The following KCNK5 variants were observed in gnomAD, a reference collection of about 807,000 sequenced individuals.
KCNK5 encodes the protein potassium channel subfamily K member 5.
In KCNK5, 18 loss-of-function variants were observed where a neutral mutation model predicts 32.9. That is an observed-to-expected ratio of 0.55 (90% CI 0.38 to 0.81). KCNK5 has a LOEUF of 0.81. Among genes scored for constraint, KCNK5 ranks in the 30% least tolerant of loss-of-function variants. The pLI is 0.00. For synonymous variants in KCNK5, 276 were observed against 275.3 expected (o/e 1.00, Z -0.03); for missense variants, 507 against 651.0 (o/e 0.78, Z 2.41).
chr6:39,221,223 C>G (rs559355065), intron 1 of KCNK5, among the ~76,000 whole-genome samples: 13 of 152,322 alleles, frequency 8.5e-5, no homozygotes, highest in African/African-American at 2.9e-4. Flanking sequence ...TGCCATGATT[C>G]AGTGAGATGA....
At chr6:39,228,697 C>T (rs1771715176) in intron 1 of KCNK5, among the ~76,000 whole-genome samples, 2 of 152,022 alleles carry the variant, frequency 1.3e-5, no homozygotes, top group Admixed American at 1.3e-4. Context: ...AATTTGTCTC[C>T]GGCCAAACTA....
chr6:39,217,221 G>A (rs114719744), intron 1 of KCNK5, among the ~76,000 whole-genome samples: 2,481 of 151,858 alleles, frequency 0.016, 66 homozygotes, highest in African/African-American at 0.057. Context: ...CTGGCCCCTG[G>A]AGTTTCCTGT....
intron 1 of KCNK5, among the ~76,000 whole-genome samples, chr6:39,218,956 G>A (rs913882513): frequency 2.6e-5 from 4 of 152,192 alleles, no homozygotes; most frequent in African/African-American, 9.7e-5. Context: ...AGAGAGGCAG[G>A]GACCAGGGCT....
intron 1 of KCNK5, among the ~76,000 whole-genome samples, chr6:39,216,424 G>A (rs1387081080): frequency 6.6e-6 from 1 of 152,220 alleles, no homozygotes; most frequent in South Asian, 2.1e-4. Flanking sequence ...ACACGCGCAC[G>A]GGGCACTTCT....
chr6:39,217,638 T>C (rs1167667486), intron 1 of KCNK5, among the ~76,000 whole-genome samples: 1 of 152,134 alleles, frequency 6.6e-6, no homozygotes, highest in South Asian at 2.1e-4. Context: ...TGGAGGCCAG[T>C]TAAATAACCA....
At chr6:39,211,182 T>C (rs1363177680) in intron 1 of KCNK5, among the ~76,000 whole-genome samples, 1 of 152,182 alleles carries the variant, frequency 6.6e-6, no homozygotes, top group Non-Finnish European at 1.5e-5. Flanking sequence ...AGCTGAGGGA[T>C]ACTTGGTGCT....
chr6:39,197,718 C>T (rs762279397), intron 1 of KCNK5, among the ~76,000 whole-genome samples: 3 of 152,168 alleles, frequency 2.0e-5, no homozygotes, highest in Admixed American at 1.3e-4. Flanking sequence ...GCAGAGAAAG[C>T]GGAACCACCC....
intron 1 of KCNK5, among the ~76,000 whole-genome samples, chr6:39,206,352 C>T (rs146237093): frequency 0.015 from 2,219 of 152,352 alleles, 26 homozygotes; most frequent in East Asian, 0.028. Flanking sequence ...CGCGTGCCTA[C>T]GCTCCCTACC....
In KCNK5 at chr6:39,191,340, G is replaced by C. The variant is rs763255429; in HGVS notation, c.1050C>G (p.Asn350Lys). The C allele has an allele frequency of 2.5e-6, 4 of 1,613,804 alleles. No individual in the cohort carries two copies. In the South Asian group the frequency reaches 3.3e-5, roughly 13 times the overall value. Residue 350 changes from asparagine (N) to lysine (K), a missense_variant, in exon 5 of 5, where the codon AAC (asparagine) becomes AAG (lysine). This residue lies in a region of KCNK5 where 252 missense variants were observed against 250.8 expected (regional missense o/e 1.00). Transcript: ENST00000359534. This position sits in a 1 kb window ranked among gnomAD's most constrained non-coding sequence, Gnocchi z 5.8. Reference sequence around the variant, plus strand: ...ACACCTCTTCCAAGGTGGGCACCCGGTTCTTGGAGTAGACTACCAGGGGCA... The same window carrying C: ...ACACCTCTTCCAAGGTGGGCACCCGCTTCTTGGAGTAGACTACCAGGGGCA... ...SLVPLVVYSK[N>K]RVPTLEEVSQ...
At chr6:39,213,573 C>G (rs1045731935) in intron 1 of KCNK5, among the ~76,000 whole-genome samples, 26 of 152,162 alleles carry the variant, frequency 1.7e-4, no homozygotes, top group African/African-American at 6.3e-4. Context: ...CAGGCCAGAG[C>G]CCACCAGTTC....
chr6:39,205,361 T>G (rs548095195), intron 1 of KCNK5, among the ~76,000 whole-genome samples: 3 of 152,134 alleles, frequency 2.0e-5, no homozygotes, highest in Non-Finnish European at 4.4e-5. Context: ...CAGATGACCC[T>G]CTGAGGCCAT....
At chr6:39,201,835 T>C (rs1197392790) in intron 1 of KCNK5, among the ~76,000 whole-genome samples, 2 of 152,232 alleles carry the variant, frequency 1.3e-5, no homozygotes, top group Non-Finnish European at 2.9e-5. Flanking sequence ...CAGTACCCTC[T>C]AAAGTTTACT....
chr6:39,195,908 A>C lies in KCNK5; in HGVS notation c.266T>G (p.Met89Arg). ...GGTAATGACGGTCGCTGCAAAAATC[A>C]TTGCATTGGGCCAGTTCCAGTTGTT... The part of the protein sequence containing the change: ...TFNNWNWPNA[M>R]IFAATVITTI... The change falls in exon 2 of 5, where the codon ATG becomes AGG. Residue 89 changes from methionine (M) to arginine (R), a missense_variant. Physicochemically the swap from Met to Arg is moderately conservative, Grantham distance 91. Coordinates refer to ENST00000359534, the MANE Select transcript of KCNK5 (RefSeq NM_003740.4). The C allele has an allele frequency of 6.2e-7, 1 of 1,613,850 alleles. No individual in the cohort carries two copies. The highest frequency in any genetic ancestry group is 8.5e-7 in the Non-Finnish European group (1 of 1,179,868).
intron 1 of KCNK5, among the ~76,000 whole-genome samples, chr6:39,221,149 T>C (rs1475430592): frequency 1.3e-5 from 2 of 152,236 alleles, no homozygotes; most frequent in South Asian, 2.1e-4. Context: ...TCAATCTCTA[T>C]GGTCCATTCT....
intron 1 of KCNK5, among the ~76,000 whole-genome samples, chr6:39,227,684 G>A (rs899596420): frequency 1.3e-5 from 2 of 152,174 alleles, no homozygotes; most frequent in Admixed American, 1.3e-4. Context: ...TCAATCTGGG[G>A]ACAAGATTTT....
chr6:39,210,427 G>T (rs1771314298), intron 1 of KCNK5, among the ~76,000 whole-genome samples: 1 of 152,154 alleles, frequency 6.6e-6, no homozygotes, highest in African/African-American at 2.4e-5. Context: ...CCTGGGCCAT[G>T]CCCCTCTTTG....
intron 1 of KCNK5, among the ~76,000 whole-genome samples, chr6:39,216,290 A>C (rs1771435434): frequency 6.6e-6 from 1 of 152,210 alleles, no homozygotes; most frequent in South Asian, 2.1e-4. Context: ...ATCTCAAAAC[A>C]AAACTAAACA....
intron 1 of KCNK5, among the ~76,000 whole-genome samples, chr6:39,206,919 ATG>A (rs1458877259): frequency 6.6e-6 from 1 of 152,224 alleles, no homozygotes; most frequent in Admixed American, 6.5e-5. Context: ...AGGAAAATAA[ATG>A]TGACTATTAT....
intron 1 of KCNK5, among the ~76,000 whole-genome samples, chr6:39,213,274 A>T (rs1408036615): frequency 6.6e-6 from 1 of 152,252 alleles, no homozygotes; most frequent in Non-Finnish European, 1.5e-5. Context: ...TTATAAAAGC[A>T]ATACAACCAC....
Sources: gnomAD v4.1 joint callset for allele counts (sites outside exome capture counted in the v4.1 genomes callset) on GRCh38, gnomAD v4.1.1 for gene constraint, gnomAD v4.1.1 regional missense constraint, Gnocchi (gnomAD v3.1) non-coding constraint, MANE v1.5 for transcripts, NCBI Gene and HGNC (gene_info 2026-07-23, HGNC 2026-07-21) for gene names.